Variants in UTRN observed in about 807,000 individuals in gnomAD.
The protein encoded by UTRN is dystrophin-related protein 1.
A neutral mutation model predicts 463.9 loss-of-function variants in UTRN; 283 were observed. The observed-to-expected ratio is 0.61, with a 90% CI of 0.55 to 0.67. UTRN has a LOEUF of 0.67. Ranked by LOEUF, UTRN falls within the 30% of genes least tolerant of loss-of-function variation. The pLI is 0.00. For synonymous variants in UTRN, 1,442 were observed against 1,431.5 expected (o/e 1.01, Z -0.17); for missense variants, 3,922 against 4,084.3 (o/e 0.96, Z 1.08).
At chr6:144,294,795 A>T (rs1804543170) in intron 2 of UTRN, among the ~76,000 whole-genome samples, 2 of 152,124 alleles carry the variant, frequency 1.3e-5, no homozygotes, top group African/African-American at 4.8e-5. Flanking sequence ...GAATATTATA[A>T]TTTTTTAAAT....
chr6:144,517,361 TA>T (rs1795710691), intron 39 of UTRN, among the ~76,000 whole-genome samples: 1 of 151,692 alleles, frequency 6.6e-6, no homozygotes, highest in Admixed American at 6.6e-5. Flanking sequence ...TATTTCTTTA[TA>T]TTTTTCTTTT....
At chr6:144,545,655 T>C (rs1348050692) in intron 46 of UTRN, among the ~76,000 whole-genome samples, 1 of 152,238 alleles carries the variant, frequency 6.6e-6, no homozygotes. Context: ...GCCCACAATA[T>C]CTCAGATACA....
intron 65 of UTRN, among the ~76,000 whole-genome samples, chr6:144,806,389 T>C (rs1194847249): frequency 6.6e-6 from 1 of 152,186 alleles, no homozygotes; most frequent in Admixed American, 6.5e-5. Context: ...CCTTTGCCCA[T>C]TTCTGAGGCT....
intron 41 of UTRN, among the ~76,000 whole-genome samples, chr6:144,524,046 A>G (rs1202169728): frequency 6.6e-6 from 1 of 152,220 alleles, no homozygotes; most frequent in Non-Finnish European, 1.5e-5. Flanking sequence ...ATAAGAGGAA[A>G]GGGAGCACAG....
intron 64 of UTRN, among the ~76,000 whole-genome samples, chr6:144,801,933 T>A (rs986774575): frequency 6.6e-6 from 1 of 152,124 alleles, no homozygotes; most frequent in African/African-American, 2.4e-5. Context: ...CTCAGTCCCT[T>A]GAAATTCCAA....
At chr6:144,460,935 A>T (rs911181218) in intron 21 of UTRN, among the ~76,000 whole-genome samples, 6 of 152,344 alleles carry the variant, frequency 3.9e-5, no homozygotes, top group African/African-American at 1.2e-4. Flanking sequence ...CTTCAGAGAG[A>T]CATTTCATCA....
chr6:144,353,099 C>T (rs902244599), intron 2 of UTRN, among the ~76,000 whole-genome samples: 1 of 151,904 alleles, frequency 6.6e-6, no homozygotes, highest in African/African-American at 2.4e-5. Flanking sequence ...TGTGCCACCA[C>T]GCTCAGCTCA....
chr6:144,551,334 A>G lies in UTRN; in HGVS notation c.6928+252A>G, dbSNP rs141150331. Among the ~76,000 whole-genome samples, 102 of 152,334 alleles carry G rather than the reference A, an allele frequency of 6.7e-4. 1 individual carries two copies. The East Asian group carries it at 0.019, about 28-fold the overall frequency. On this transcript the variant is annotated intron_variant, in intron 48 of 74. Coordinates refer to ENST00000367545, the MANE Select transcript of UTRN (RefSeq NM_007124.3). Reference sequence around the variant, plus strand: ...TTAACATCACGACTCTTAAGTAATTACTTACACATTGGGTTTTCTTCTCTT... The same window carrying G: ...TTAACATCACGACTCTTAAGTAATTGCTTACACATTGGGTTTTCTTCTCTT...
intron 43 of UTRN, among the ~76,000 whole-genome samples, chr6:144,536,681 T>C (rs1255526570): frequency 6.6e-6 from 1 of 152,088 alleles, no homozygotes; most frequent in Non-Finnish European, 1.5e-5. Context: ...AATGATACAA[T>C]ACAATTTATT....
intron 68 of UTRN, 121 bp from the exon 69 acceptor site, chr6:144,828,669 G>A: frequency 1.0e-6 from 1 of 976,284 alleles, no homozygotes; most frequent in Non-Finnish European, 1.6e-6. Context: ...CGTGTTAGGA[G>A]ATTTGGATCT....
At chr6:144,493,480 C>T in intron 33 of UTRN, 24 bp downstream of exon 33, 2 of 1,602,410 alleles carry the variant, frequency 1.2e-6, no homozygotes, top group South Asian at 1.1e-5. Flanking sequence ...CCCCACAGCT[C>T]ATCTCTCTGT....
intron 51 of UTRN, among the ~76,000 whole-genome samples, chr6:144,620,621 T>A (rs1363216688): frequency 6.6e-6 from 1 of 152,118 alleles, no homozygotes; most frequent in African/African-American, 2.4e-5. Flanking sequence ...CATCTCTATG[T>A]CTGTATTTCA....
chr6:144,591,688 A>G (rs1328338545), intron 51 of UTRN, among the ~76,000 whole-genome samples: 1 of 152,124 alleles, frequency 6.6e-6, no homozygotes, highest in African/African-American at 2.4e-5. Context: ...TGGAAAGTAT[A>G]CATTTTAAGA....
chr6:144,637,008 A>G (rs1422118449), intron 51 of UTRN, among the ~76,000 whole-genome samples: 1 of 152,098 alleles, frequency 6.6e-6, no homozygotes, highest in Non-Finnish European at 1.5e-5. Flanking sequence ...CTTCATTGAC[A>G]CCCAGCCTGA....
chr6:144,774,732 CCA>C (rs1775162695), intron 60 of UTRN, among the ~76,000 whole-genome samples: 1 of 152,132 alleles, frequency 6.6e-6, no homozygotes, highest in African/African-American at 2.4e-5. Flanking sequence ...TGTCTCAATA[CCA>C]CTATATATAA....
At chr6:144,794,633 G>A (rs894435667) in intron 63 of UTRN, among the ~76,000 whole-genome samples, 2 of 152,104 alleles carry the variant, frequency 1.3e-5, no homozygotes, top group African/African-American at 2.4e-5. Context: ...CAAGGACTAC[G>A]GCTATCATTT....
At chr6:144,756,834 G>A (rs1030399021) in intron 57 of UTRN, among the ~76,000 whole-genome samples, 2 of 151,958 alleles carry the variant, frequency 1.3e-5, no homozygotes, top group African/African-American at 2.4e-5. Flanking sequence ...GAGCTCGACC[G>A]TTTATTTACT....
At chr6:144,343,044 G>A (rs1777268433) in intron 2 of UTRN, among the ~76,000 whole-genome samples, 1 of 152,114 alleles carries the variant, frequency 6.6e-6, no homozygotes, top group Admixed American at 6.6e-5. Flanking sequence ...CAGAGATGAG[G>A]AGGAGGAGCA....
Position 144,461,238 on chromosome 6 carries a change from A to G in UTRN, c.2749A>G (p.Lys917Glu), listed in dbSNP as rs1720929834. The stretch of plus-strand genomic sequence containing the variant: ...TGGACATGCATATCTGGAAACATTG[A>G]AAACACTGAAAGATGTGCTAAATGA... The part of the protein sequence containing the change: ...QPGHAYLETL[K>E]TLKDVLNDSE... The change falls in exon 22 of 75, where the codon AAA becomes GAA. Residue 917 changes from lysine to glutamate, a missense_variant. Physicochemically the swap from Lys to Glu is moderately conservative, Grantham distance 56 (BLOSUM62 1). This residue lies in a region of UTRN where 2,349 missense variants were observed against 2,303.8 expected (regional missense o/e 1.02). Coordinates refer to ENST00000367545, the MANE Select transcript of UTRN (RefSeq NM_007124.3). The G allele has an allele frequency of 6.2e-7, 1 of 1,608,674 alleles. No individual in the cohort carries two copies. Among genetic ancestry groups the G allele is most frequent in the African/African-American group, 1.3e-5 (1 of 74,828 alleles).
Sources: gnomAD v4.1 joint callset for allele counts (sites outside exome capture counted in the v4.1 genomes callset) on GRCh38, gnomAD v4.1.1 for gene constraint, gnomAD v4.1.1 regional missense constraint, MANE v1.5 for transcripts, NCBI Gene and HGNC (gene_info 2026-07-23, HGNC 2026-07-21) for gene names.